Variants in CLIP1 observed in about 807,000 individuals in gnomAD.
CLIP1 encodes the protein CAP-Gly domain containing linker protein 1, also known as CAP-Gly domain-containing linker protein 1.
In CLIP1, 66 loss-of-function variants were observed where a neutral mutation model predicts 161.6. The ratio of observed to expected loss-of-function variants is 0.41; its 90% confidence interval spans 0.33 to 0.50. The LOEUF (loss-of-function observed/expected upper bound fraction) is 0.50, where lower values mean the gene tolerates loss of function less well. Ranked by LOEUF, CLIP1 falls within the 20% of genes least tolerant of loss-of-function variation. The pLI, the probability that CLIP1 is intolerant of heterozygous loss-of-function variation, is 0.27. For synonymous variants in CLIP1, 598 were observed against 626.2 expected (o/e 0.96, Z 0.67); for missense variants, 1,376 against 1,702.0 (o/e 0.81, Z 3.37).
At chr12:122,395,382 A>G (rs562659088) in intron 1 of CLIP1, 1 of 152,298 alleles carries the variant, frequency 6.6e-6, no homozygotes, top group African/African-American at 2.4e-5. Context: ...AGAATATGAA[A>G]ATAGTACCTC....
At chr12:122,387,017 T>C (rs1032829237) in intron 1 of CLIP1, among the ~76,000 whole-genome samples, 1 of 152,058 alleles carries the variant, frequency 6.6e-6, no homozygotes, top group Non-Finnish European at 1.5e-5. Context: ...TCGCCTCCCA[T>C]GTATCTAGTA....
At position 122,355,162 on chromosome 12, in the gene CLIP1, C is replaced by G. The variant is rs772866981; in HGVS notation, c.1156G>C (p.Gly386Arg). The change falls in exon 6 of 26, where the codon GGG becomes CGG. Residue 386 changes from glycine to arginine, a missense_variant. Physicochemically the swap from Gly to Arg is moderately radical, Grantham distance 125 (BLOSUM62 -2). Around this residue, in one of 6 missense-constraint regions of CLIP1, gnomAD observed 211 missense variants for 295.1 expected, o/e 0.72. Transcript: ENST00000620786. The surrounding 1 kb of genome is among the most constrained non-coding windows in gnomAD (Gnocchi z 4.1). ...AGAGCTAGCTCCTGCTCTATCTCCC[C>G]CACGTGGCTCGTGGCCTTGGCCACC... is the stretch of plus-strand genomic sequence containing the variant. ...AEVAKATSHVGEIEQELALAR... is the reference protein window; with the variant it reads ...AEVAKATSHVREIEQELALAR... 1 of 1,614,098 alleles carries G rather than the reference C, an allele frequency of 6.2e-7. No homozygotes were observed. The highest frequency in any genetic ancestry group is 8.5e-7 in the Non-Finnish European group (1 of 1,180,026).
Position 122,292,361 on chromosome 12 carries a change from A to C in CLIP1, c.3595-3820T>G, listed in dbSNP as rs539041188. On this transcript the variant is annotated intron_variant, in intron 20 of 25. Coordinates refer to ENST00000620786, the MANE Select transcript of CLIP1 (RefSeq NM_001247997.2). ...GGTTTCCTGTTATTCAGTCGGTTAT[A>C]ATCTATTATATCTCTATTTATTTTG... Among the ~76,000 whole-genome samples the C allele has an allele frequency of 2.0e-5, 3 of 152,018 alleles. No homozygotes were observed. The East Asian group carries it at 5.8e-4, about 29-fold the overall frequency.
chr12:122,328,803 G>T (rs185169822), intron 15 of CLIP1, among the ~76,000 whole-genome samples: 1 of 152,092 alleles, frequency 6.6e-6, no homozygotes, highest in South Asian at 2.1e-4. Flanking sequence ...GGATGGTCTC[G>T]ATCTCCTGGC....
intron 1 of CLIP1, chr12:122,395,348 G>C (rs975778451): frequency 6.6e-6 from 1 of 152,146 alleles, no homozygotes; most frequent in Non-Finnish European, 1.5e-5. Context: ...TCTATAAGAA[G>C]TTGAAGAAAA....
At chr12:122,294,344 C>CAA (rs1210070129) in intron 20 of CLIP1, among the ~76,000 whole-genome samples, 23 of 109,676 alleles carry the variant, frequency 2.1e-4, no homozygotes, top group Non-Finnish European at 2.5e-4. Flanking sequence ...AAAAAAAAAA[C>CAA]AAAAAAAAAA....
intron 15 of CLIP1, among the ~76,000 whole-genome samples, chr12:122,331,072 T>A (rs1341067342): frequency 6.6e-6 from 1 of 151,520 alleles, no homozygotes; most frequent in Non-Finnish European, 1.5e-5. Context: ...TGGAGTGCAA[T>A]GGCACTATCT....
chr12:122,272,065 A>C lies in CLIP1; in HGVS notation c.*810T>G, dbSNP rs1344100303. On this transcript the variant is annotated 3_prime_UTR_variant, in exon 26 of 26. Transcript: ENST00000620786. The stretch of plus-strand genomic sequence containing the variant: ...TGGCCTAGTCTGTTATGTCCTAATG[A>C]TCATTTTAAGTGTTTTCTTTTTCAA... 6.6e-6 allele frequency: 1 copy of C among 152,434 alleles called. No homozygotes were observed. Among genetic ancestry groups the C allele is most frequent in the Non-Finnish European group, 1.5e-5 (1 of 68,048 alleles). The allele number at this position is 152,434 out of a possible 1,614,324, so 9.4% of individuals were successfully genotyped here. A position where few individuals can be genotyped will look rare whatever the true frequency, so the allele number is the denominator to read the frequency against.
intron 1 of CLIP1, among the ~76,000 whole-genome samples, chr12:122,408,225 G>A (rs1195381719): frequency 7.5e-5 from 10 of 132,506 alleles, no homozygotes; most frequent in South Asian, 2.4e-4. Flanking sequence ...ATGATACTCC[G>A]TCTCAAAAAA....
chr12:122,369,014 CT>C lies in CLIP1; in HGVS notation c.658-4908del, dbSNP rs112746598. ...GACATGAAAGAGCCAAAGCACGGTA[CT>C]TTTTTTTTTTTCCTTCTTTTTGAGA... is the stretch of plus-strand genomic sequence containing the variant. On this transcript the variant is annotated intron_variant, in intron 3 of 25. Transcript: ENST00000620786. Among the ~76,000 whole-genome samples, 121 of 147,062 alleles carry C rather than the reference CT, an allele frequency of 8.2e-4. 1 individual carries two copies. The East Asian group carries it at 0.012, about 14-fold the overall frequency.
chr12:122,330,864 G>A (rs1361679663), intron 15 of CLIP1, among the ~76,000 whole-genome samples: 3 of 151,488 alleles, frequency 2.0e-5, no homozygotes, highest in Non-Finnish European at 4.4e-5. Flanking sequence ...GCCTCCCAAA[G>A]TGCTGGCATG....
chr12:122,322,926 CCT>C (rs1401794980), intron 17 of CLIP1: 3 of 152,614 alleles, frequency 2.0e-5, no homozygotes, highest in African/African-American at 7.2e-5. Context: ...GTATTTTGAG[CCT>C]CTTTCAGCAT....
At position 122,377,624 on chromosome 12, in the gene CLIP1, G is replaced by C. The variant is rs1293084214; in HGVS notation, c.422C>G (p.Pro141Arg). Residue 141 changes from proline to arginine, a missense_variant, in exon 3 of 26, where the codon CCC becomes CGC. Pro to Arg is a moderately radical substitution (Grantham distance 103). Around this residue, in one of 6 missense-constraint regions of CLIP1, gnomAD observed 119 missense variants for 112.0 expected, o/e 1.06. Coordinates refer to ENST00000620786, the MANE Select transcript of CLIP1 (RefSeq NM_001247997.2). Reference protein sequence around the residue: ...EDEANGLQTTPASRATSPLCT... With the variant: ...EDEANGLQTTRASRATSPLCT... The stretch of plus-strand genomic sequence containing the variant: ...CAGCGGTGAAGTAGCTCGGGAGGCG[G>C]GCGTTGTCTGCAGGCCATTAGCTTC... 2.5e-6 allele frequency: 4 copies of C among 1,613,682 alleles called. No homozygotes were observed. Among genetic ancestry groups the C allele is most frequent in the Admixed American group, 3.3e-5 (2 of 59,916 alleles).
rs372055105 is a variant in CLIP1, at chr12:122,328,267, C to T, written c.3027G>A (p.Ser1009=). Residue 1009 remains serine (S), a synonymous_variant, in exon 16 of 26, where the codon TCG becomes TCA. Coordinates refer to ENST00000620786, the MANE Select transcript of CLIP1 (RefSeq NM_001247997.2). The part of the protein sequence containing the change: ...EEKKELERKL[S]DLEKKMETSH... ...CCACTGAGTATCTCCTTACCAGGTC[C>T]GACAATTTCCTCTCCAATTCTTTCT... 129 of 1,613,848 alleles carry T rather than the reference C, an allele frequency of 8.0e-5. No individual in the cohort carries two copies. The South Asian group carries it at 1.0e-3, about 13-fold the overall frequency.
intron 12 of CLIP1, 60 bp downstream of exon 12, chr12:122,336,572 A>AT (rs141366820): frequency 3.5e-6 from 3 of 864,830 alleles, no homozygotes; most frequent in East Asian, 2.5e-5. Context: ...TTACTGGAGG[A>AT]TTTTTTAAAA....
At chr12:122,418,885 C>T (rs1245867235) in intron 1 of CLIP1, among the ~76,000 whole-genome samples, 1 of 152,138 alleles carries the variant, frequency 6.6e-6, no homozygotes, top group Non-Finnish European at 1.5e-5. Flanking sequence ...AAGAAAGAAG[C>T]TGATTATTTG....
At chr12:122,344,207 A>T (rs981074905) in intron 10 of CLIP1, among the ~76,000 whole-genome samples, 2 of 152,232 alleles carry the variant, frequency 1.3e-5, no homozygotes, top group African/African-American at 4.8e-5. Context: ...ATAAGAGAAG[A>T]GGAAAAGAAA....
chr12:122,419,926 CAAAAAA>C (rs5801469), intron 1 of CLIP1, among the ~76,000 whole-genome samples: 4 of 79,840 alleles, frequency 5.0e-5, no homozygotes, highest in Admixed American at 1.6e-4. Context: ...GACTCTGTCT[CAAAAAA>C]AAAAAAAAAA....
At chr12:122,353,820 G>A (rs1009235943) in intron 7 of CLIP1, among the ~76,000 whole-genome samples, 3 of 151,538 alleles carry the variant, frequency 2.0e-5, no homozygotes, top group Non-Finnish European at 2.9e-5. Context: ...TAGTAGAGAC[G>A]GGGTTTCACC....
Sources: allele counts gnomAD v4.1 joint callset (sites outside exome capture counted in the v4.1 genomes callset), GRCh38; gene constraint gnomAD v4.1.1; regional missense constraint gnomAD v4.1.1; non-coding constraint Gnocchi (gnomAD v3.1); transcripts MANE v1.5; gene names NCBI Gene and HGNC (gene_info 2026-07-23, HGNC 2026-07-21).